Variants in RTTN observed in about 807,000 individuals in gnomAD.
The protein encoded by RTTN is rotatin.
RTTN carries 182 observed loss-of-function variants against 269.2 expected under a neutral mutation model. The observed-to-expected ratio is 0.68, with a 90% CI of 0.60 to 0.76. The LOEUF is 0.76. Ranked by LOEUF, RTTN falls within the 30% of genes least tolerant of loss-of-function variation. The pLI is 0.00. For missense variants in RTTN, 2,545 were observed against 2,608.6 expected, an observed-to-expected ratio of 0.98 and a Z score of 0.53; for synonymous variants, 1,006 against 963.5, an observed-to-expected ratio of 1.04 and a Z score of -0.82.
At chr18:70,086,583 C>T (rs763679126) in intron 32 of RTTN, 30 bp downstream of exon 32, 16 of 1,448,398 alleles carry the variant, frequency 1.1e-5, no homozygotes, top group East Asian at 4.6e-5. Flanking sequence ...GAAACATCTA[C>T]TAGGTTGATA....
At chr18:70,182,661 G>A (rs1318100057) in intron 10 of RTTN, among the ~76,000 whole-genome samples, 1 of 152,098 alleles carries the variant, frequency 6.6e-6, no homozygotes, top group Non-Finnish European at 1.5e-5. Context: ...ATGATATTTT[G>A]AAATGTTAAA....
At position 70,205,612 on chromosome 18, in the gene RTTN, G is replaced by A. The variant is rs775512599; in HGVS notation, c.31+16C>T. 3 of 1,613,996 alleles carry A rather than the reference G, an allele frequency of 1.9e-6. No homozygotes were observed. Among genetic ancestry groups the A allele is most frequent in the South Asian group, 1.1e-5 (1 of 91,084 alleles). ...GCGCGGGGGGTGCCTTGGGCGAGGGGCAAGCTGACAGTTACCGAGTTTCCT... is the reference window on the plus strand; with the variant it reads ...GCGCGGGGGGTGCCTTGGGCGAGGGACAAGCTGACAGTTACCGAGTTTCCT... On this transcript the variant is annotated intron_variant, in intron 1 of 48. Coordinates refer to ENST00000640769, the MANE Select transcript of RTTN (RefSeq NM_173630.4).
intron 33 of RTTN, chr18:70,074,700 G>A (rs2058382928): frequency 6.6e-6 from 1 of 151,184 alleles, no homozygotes; most frequent in African/African-American, 2.4e-5. Context: ...TTATAAAAAT[G>A]AATTTAAAAA....
rs1318389874 is a variant in RTTN at position 70,205,645 on chromosome 18, C to G, written c.14G>C (p.Gly5Ala). MVLA[G>A]LIRKLGHQLA... ...ACAGTTACCGAGTTTCCTGATGAGC[C>G]CTGCCAGGACCATCTCGTCCCGTCA... The change falls in exon 1 of 49, where the codon GGG becomes GCG. Residue 5 changes from glycine (G) to alanine (A), a missense_variant. Coordinates refer to ENST00000640769, the MANE Select transcript of RTTN (RefSeq NM_173630.4). 4 of 1,614,114 alleles carry G rather than the reference C, an allele frequency of 2.5e-6. No individual in the cohort carries two copies. The highest frequency in any genetic ancestry group is 3.4e-6 in the Non-Finnish European group (4 of 1,180,014).
intron 4 of RTTN, among the ~76,000 whole-genome samples, chr18:70,201,624 A>C (rs1242150990): frequency 6.7e-6 from 1 of 149,998 alleles, no homozygotes; most frequent in African/African-American, 2.4e-5. Flanking sequence ...AAAAAAAAAA[A>C]AAAAAAAAAA....
intron 46 of RTTN, among the ~76,000 whole-genome samples, chr18:70,011,204 T>C (rs933763607): frequency 8.6e-5 from 13 of 152,042 alleles, no homozygotes; most frequent in South Asian, 8.3e-4. Flanking sequence ...TTCCAATCAA[T>C]AGAAAAAGAG....
intron 40 of RTTN, among the ~76,000 whole-genome samples, chr18:70,035,211 C>A (rs138228513): frequency 6.6e-6 from 1 of 152,152 alleles, no homozygotes; most frequent in Non-Finnish European, 1.5e-5. Flanking sequence ...CTAGAAAAAA[C>A]TTTTAAAATT....
intron 34 of RTTN, among the ~76,000 whole-genome samples, chr18:70,066,400 A>C (rs1216316547): frequency 1.3e-5 from 2 of 152,218 alleles, no homozygotes; most frequent in African/African-American, 4.8e-5. Context: ...AAGAACACTA[A>C]AAAATTGTGC....
chr18:70,028,550 G>C (rs568923813), intron 43 of RTTN, among the ~76,000 whole-genome samples, 174 bp downstream of exon 43: 1 of 152,256 alleles, frequency 6.6e-6, no homozygotes, highest in East Asian at 1.9e-4. Context: ...GATGAATAAT[G>C]ATTAGATACA....
intron 29 of RTTN, 35 bp downstream of exon 29, chr18:70,092,641 A>C (rs2145243756): frequency 6.3e-7 from 1 of 1,594,290 alleles, no homozygotes; most frequent in East Asian, 2.3e-5. Flanking sequence ...CTTTCAAGCA[A>C]ATGTTCAGAA....
At chr18:70,061,328 A>G (rs927411440) in intron 35 of RTTN, 1 of 456,148 alleles carries the variant, frequency 2.2e-6, no homozygotes, top group Non-Finnish European at 4.4e-6. Flanking sequence ...GCACAGCAAG[A>G]TGTTCCAGGT....
intron 14 of RTTN, among the ~76,000 whole-genome samples, chr18:70,152,550 T>C (rs1387594154): frequency 1.3e-5 from 2 of 152,194 alleles, no homozygotes; most frequent in Non-Finnish European, 2.9e-5. Context: ...ACTTAACATA[T>C]GCACTTGATA....
chr18:70,009,837 T>C (rs1023413819), intron 46 of RTTN, among the ~76,000 whole-genome samples: 8 of 151,606 alleles, frequency 5.3e-5, no homozygotes, highest in African/African-American at 1.9e-4. Context: ...AGGAGACCCA[T>C]CTCGTGCAAA....
At chr18:70,006,310 C>A (rs2056185190) in intron 47 of RTTN, 71 bp downstream of exon 47, 1 of 1,055,454 alleles carries the variant, frequency 9.5e-7, no homozygotes. Context: ...TTGGATGTAT[C>A]CTAAGAGTTT....
chr18:70,169,004 T>C lies in RTTN; in HGVS notation c.1540A>G (p.Ile514Val), dbSNP rs761502781. The C allele has an allele frequency of 2.4e-5, 39 of 1,612,972 alleles. No individual in the cohort carries two copies. The highest frequency in any genetic ancestry group is 2.9e-5 in the Non-Finnish European group (34 of 1,179,732). ...ALFLLSLDMP[I>V]SLEYPNIHEA... Reference sequence around the variant, plus strand: ...TGAATATTTGGATATTCCAAAGAAATAGGCATGTCCAAAGAAAGGAGAAAT... The same window carrying C: ...TGAATATTTGGATATTCCAAAGAAACAGGCATGTCCAAAGAAAGGAGAAAT... The change falls in exon 12 of 49, where the codon ATT becomes GTT. Residue 514 changes from isoleucine (I) to valine (V), a missense_variant. Ile to Val is a conservative substitution (Grantham distance 29). Coordinates refer to ENST00000640769, the MANE Select transcript of RTTN (RefSeq NM_173630.4).
intron 28 of RTTN, among the ~76,000 whole-genome samples, chr18:70,107,266 T>C (rs1200249857): frequency 1.3e-5 from 2 of 152,214 alleles, no homozygotes; most frequent in African/African-American, 4.8e-5. Flanking sequence ...CCTAACTGAC[T>C]TCCTAATAGA....
intron 13 of RTTN, 81 bp from the exon 14 acceptor site, chr18:70,166,269 T>A: frequency 7.1e-7 from 1 of 1,409,474 alleles, no homozygotes; most frequent in East Asian, 2.3e-5. Flanking sequence ...CTGGAAGGGA[T>A]TTCTTCCTAC....
intron 40 of RTTN, among the ~76,000 whole-genome samples, chr18:70,032,401 C>T (rs1435841109): frequency 6.6e-6 from 1 of 152,190 alleles, no homozygotes; most frequent in Admixed American, 6.5e-5. Flanking sequence ...TCCCCCACTG[C>T]AGCCTCCTTC....
intron 39 of RTTN, among the ~76,000 whole-genome samples, chr18:70,050,553 C>A (rs577169494): frequency 6.6e-6 from 1 of 152,158 alleles, no homozygotes; most frequent in Non-Finnish European, 1.5e-5. Context: ...TACCATTTGA[C>A]CCAACAATCC....
Sources: allele counts gnomAD v4.1 joint callset (sites outside exome capture counted in the v4.1 genomes callset), GRCh38; gene constraint gnomAD v4.1.1; transcripts MANE v1.5; gene names NCBI Gene and HGNC (gene_info 2026-07-23, HGNC 2026-07-21).